The following CEMIP variants were observed in gnomAD, a reference collection of about 807,000 sequenced individuals.
The protein encoded by CEMIP is cell migration-inducing and hyaluronan-binding protein.
In CEMIP, 105 loss-of-function variants were observed where a neutral mutation model predicts 156.9. That is an observed-to-expected ratio of 0.67 (90% CI 0.57 to 0.79). The LOEUF (loss-of-function observed/expected upper bound fraction) is 0.79, where lower values mean the gene tolerates loss of function less well. Ranked by LOEUF, CEMIP falls within the 30% of genes least tolerant of loss-of-function variation. The pLI is 0.00. For synonymous variants in CEMIP, 676 were observed against 668.4 expected (o/e 1.01, Z -0.17); for missense variants, 1,457 against 1,769.4 (o/e 0.82, Z 3.17).
chr15:80,791,926 T>C (rs1896091941), intron 1 of CEMIP, among the ~76,000 whole-genome samples: 1 of 152,152 alleles, frequency 6.6e-6, no homozygotes, highest in African/African-American at 2.4e-5. Context: ...CCTCAAAGCT[T>C]AACTGGATGA....
intron 1 of CEMIP, among the ~76,000 whole-genome samples, chr15:80,841,374 A>G (rs947486678): frequency 6.4e-4 from 98 of 152,094 alleles, no homozygotes; most frequent in Non-Finnish European, 2.4e-4. Flanking sequence ...GGGGGTGGAG[A>G]AAATGCTCTA....
intron 1 of CEMIP, among the ~76,000 whole-genome samples, chr15:80,796,923 G>C (rs117236773): frequency 0.014 from 2,193 of 152,236 alleles, 33 homozygotes; most frequent in Middle Eastern, 0.027. Flanking sequence ...AGTATAGTAA[G>C]AATTTGTCTG....
chr15:80,842,661 G>A (rs1362557236), intron 1 of CEMIP, among the ~76,000 whole-genome samples: 3 of 152,172 alleles, frequency 2.0e-5, no homozygotes, highest in African/African-American at 7.2e-5. Context: ...GAACCTGGGA[G>A]GCAGAGGTTG....
intron 7 of CEMIP, among the ~76,000 whole-genome samples, chr15:80,886,482 A>G (rs1898844785): frequency 6.6e-6 from 1 of 152,236 alleles, no homozygotes; most frequent in African/African-American, 2.4e-5. Flanking sequence ...CAAGAGATCA[A>G]AACAAGAATA....
At position 80,906,567 on chromosome 15, in the gene CEMIP, G is replaced by C; in HGVS notation, c.1412-96G>C. On this transcript the variant is annotated intron_variant, in intron 12 of 29. Coordinates refer to ENST00000394685, the MANE Select transcript of CEMIP (RefSeq NM_001293298.2). This position sits in a 1 kb window ranked among gnomAD's most constrained non-coding sequence, Gnocchi z 4.3. Reference sequence around the variant, plus strand: ...CACTGTGCACACCAGGCATGGCGATGAGTAAGCAGCAGCCATGGAGGCACC... The same window carrying C: ...CACTGTGCACACCAGGCATGGCGATCAGTAAGCAGCAGCCATGGAGGCACC... 1.6e-6 allele frequency: 2 copies of C among 1,236,210 alleles called. No individual in the cohort carries two copies. The highest frequency in any genetic ancestry group is 2.3e-6 in the Non-Finnish European group (2 of 865,012). 76.6% of individuals were successfully genotyped at this position (1,236,210 alleles called of 1,614,324 possible).
At chr15:80,831,458 G>A (rs1322776666) in intron 1 of CEMIP, among the ~76,000 whole-genome samples, 1 of 152,144 alleles carries the variant, frequency 6.6e-6, no homozygotes, top group Non-Finnish European at 1.5e-5. Flanking sequence ...GCACAGGAGT[G>A]CAGATTAGGG....
chr15:80,794,595 T>C (rs1896167750), intron 1 of CEMIP, among the ~76,000 whole-genome samples: 1 of 152,238 alleles, frequency 6.6e-6, no homozygotes, highest in African/African-American at 2.4e-5. Context: ...CAAACTATTG[T>C]CACTTCAACA....
chr15:80,810,619 T>C (rs1436364275), intron 1 of CEMIP, among the ~76,000 whole-genome samples: 1 of 152,198 alleles, frequency 6.6e-6, no homozygotes, highest in Non-Finnish European at 1.5e-5. Context: ...CCTCCCAAAG[T>C]GCTGGGATTA....
intron 13 of CEMIP, among the ~76,000 whole-genome samples, chr15:80,907,713 G>A (rs371863091): frequency 1.3e-5 from 2 of 152,310 alleles, no homozygotes; most frequent in South Asian, 2.1e-4. Context: ...TGGTGCTTAC[G>A]TTTTCCTAGT....
chr15:80,911,357 G>A (rs1038102095), intron 14 of CEMIP, among the ~76,000 whole-genome samples: 1 of 152,206 alleles, frequency 6.6e-6, no homozygotes, highest in Non-Finnish European at 1.5e-5. Flanking sequence ...TGAGTCTTTG[G>A]AGCTTTACTT....
chr15:80,885,377 ACTT>A (rs1435078897), intron 7 of CEMIP, among the ~76,000 whole-genome samples: 1 of 152,300 alleles, frequency 6.6e-6, no homozygotes, highest in African/African-American at 2.4e-5. Context: ...CCCAGAGACT[ACTT>A]CTTCTGGACG....
At chr15:80,824,527 G>A (rs528987824) in intron 1 of CEMIP, among the ~76,000 whole-genome samples, 4 of 152,158 alleles carry the variant, frequency 2.6e-5, no homozygotes, top group Admixed American at 6.5e-5. Context: ...CTCCAGACCC[G>A]CAGCCTCTTG....
intron 15 of CEMIP, 67 bp downstream of exon 15, chr15:80,920,366 T>A: frequency 7.0e-7 from 1 of 1,438,086 alleles, no homozygotes; most frequent in African/African-American, 1.4e-5. Flanking sequence ...ATGTGTTCAC[T>A]CAGCTCAGCC....
chr15:80,840,155 G>C (rs1897368644), intron 1 of CEMIP, among the ~76,000 whole-genome samples: 1 of 152,194 alleles, frequency 6.6e-6, no homozygotes, highest in Non-Finnish European at 1.5e-5. Flanking sequence ...GGGCTCGGAG[G>C]GTGGCCCCAG....
chr15:80,944,607 G>A (rs1036674763), intron 28 of CEMIP, among the ~76,000 whole-genome samples: 2 of 152,086 alleles, frequency 1.3e-5, no homozygotes, highest in African/African-American at 2.4e-5. Context: ...GGCACCTGGC[G>A]AGATTTTGGA....
chr15:80,900,461 C>T (rs1335505164), intron 12 of CEMIP, among the ~76,000 whole-genome samples: 1 of 152,050 alleles, frequency 6.6e-6, no homozygotes. Flanking sequence ...CCACCCCAGC[C>T]TACCTCCCTC....
intron 1 of CEMIP, among the ~76,000 whole-genome samples, chr15:80,813,239 T>C (rs1472933139): frequency 6.6e-6 from 1 of 152,130 alleles, no homozygotes; most frequent in East Asian, 1.9e-4. Context: ...GAGGGTTAAA[T>C]GAGTTCATGC....
Position 80,929,069 on chromosome 15 carries a change from G to C in CEMIP, c.2507G>C (p.Ser836Thr). 1 of 1,614,222 alleles carries C rather than the reference G, an allele frequency of 6.2e-7. No individual in the cohort carries two copies. Among genetic ancestry groups the C allele is most frequent in the Non-Finnish European group, 8.5e-7 (1 of 1,180,038 alleles). Residue 836 changes from serine to threonine, a missense_variant, in exon 21 of 30, where the codon AGC becomes ACC. Physicochemically the swap from Ser to Thr is moderately conservative, Grantham distance 58. Coordinates refer to ENST00000394685, the MANE Select transcript of CEMIP (RefSeq NM_001293298.2). ...DDGSKQEIKN[S>T]LFVGESGNVG... ...GGCTCCAAGCAAGAGATAAAGAACA[G>C]CTTGTTTGTTGGCGAGAGTGGCAAC...
Position 80,840,152 on chromosome 15 carries a change from G to A in CEMIP, c.-175-33386G>A, listed in dbSNP as rs548825031. Among the ~76,000 whole-genome samples, 4 of 152,344 alleles carry A rather than the reference G, an allele frequency of 2.6e-5. No homozygotes were observed. In the East Asian group the frequency reaches 7.7e-4, roughly 29 times the overall value. ...TCCCAAGGTGCTTCCTAGGGGCTCG[G>A]AGGGTGGCCCCAGAAGACCCCGGGG... is the stretch of plus-strand genomic sequence containing the variant. On this transcript the variant is annotated intron_variant, in intron 1 of 29. Coordinates refer to ENST00000394685, the MANE Select transcript of CEMIP (RefSeq NM_001293298.2).
Sources: allele counts gnomAD v4.1 joint callset (sites outside exome capture counted in the v4.1 genomes callset), GRCh38; gene constraint gnomAD v4.1.1; non-coding constraint Gnocchi (gnomAD v3.1); transcripts MANE v1.5; gene names NCBI Gene and HGNC (gene_info 2026-07-23, HGNC 2026-07-21).